Variants in VPS13B observed in about 807,000 individuals in gnomAD.
The protein encoded by VPS13B is vacuolar protein sorting 13 homolog B, also known as intermembrane lipid transfer protein VPS13B.
VPS13B carries 285 observed loss-of-function variants against 426.4 expected under a neutral mutation model. That is an observed-to-expected ratio of 0.67 (90% CI 0.61 to 0.74). The LOEUF (loss-of-function observed/expected upper bound fraction) is 0.74. Among genes scored for constraint, VPS13B ranks in the 30% least tolerant of loss-of-function variants. The probability of loss-of-function intolerance (pLI) is 0.00; values close to 1 mark genes in which losing one functional copy is unlikely to be tolerated. For missense variants in VPS13B, 4,537 were observed against 4,782.6 expected (o/e 0.95, Z 1.51); for synonymous variants, 1,676 against 1,676.4 (o/e 1.00, Z 0.01).
chr8:99,539,175 A>C (rs556798461), intron 30 of VPS13B, among the ~76,000 whole-genome samples: 1 of 152,326 alleles, frequency 6.6e-6, no homozygotes, highest in South Asian at 2.1e-4. Flanking sequence ...TGTGAAGAAA[A>C]TTTTAAAAAT....
chr8:99,208,363 TTTTC>T (rs1196576516), intron 17 of VPS13B, among the ~76,000 whole-genome samples: 4 of 152,194 alleles, frequency 2.6e-5, no homozygotes, highest in African/African-American at 4.8e-5. Flanking sequence ...TTAAGACTTC[TTTTC>T]TTTCTTTTTA....
At chr8:99,489,286 G>A (rs1329724306) in intron 25 of VPS13B, among the ~76,000 whole-genome samples, 2 of 151,622 alleles carry the variant, frequency 1.3e-5, no homozygotes, top group African/African-American at 4.8e-5. Context: ...GGTTACTGTA[G>A]CCTTGTAGTA....
In VPS13B at chr8:99,314,741, A is replaced by G. The variant is rs933009296; in HGVS notation, c.2824+39487A>G. Among the ~76,000 whole-genome samples, 3 of 152,298 alleles carry G rather than the reference A, an allele frequency of 2.0e-5. No individual in the cohort carries two copies. In the East Asian group the frequency reaches 5.8e-4, roughly 29 times the overall value. On this transcript the variant is annotated intron_variant, in intron 19 of 61. Transcript: ENST00000357162. ...ACTGGGATTATGAGCGAGAACCACT[A>G]CAGCCAGCTTATCTCCCATTTTAGA...
At chr8:99,777,614 T>G (rs1314276448) in intron 41 of VPS13B, among the ~76,000 whole-genome samples, 2 of 152,194 alleles carry the variant, frequency 1.3e-5, no homozygotes, top group African/African-American at 4.8e-5. Context: ...TCTGTTCTTG[T>G]TCAGTATCCT....
intron 17 of VPS13B, among the ~76,000 whole-genome samples, chr8:99,269,030 C>T (rs911857124): frequency 4.6e-5 from 7 of 152,202 alleles, no homozygotes; most frequent in African/African-American, 1.7e-4. Flanking sequence ...CTCCTGCCAC[C>T]TTGTGAAGAA....
intron 21 of VPS13B, among the ~76,000 whole-genome samples, chr8:99,412,373 T>C (rs187501246): frequency 6.6e-6 from 1 of 152,326 alleles, no homozygotes; most frequent in Admixed American, 6.5e-5. Context: ...TCTCTGTTTG[T>C]CTGTTATTGG....
At chr8:99,331,213 G>A (rs557752730) in intron 19 of VPS13B, among the ~76,000 whole-genome samples, 1 of 151,840 alleles carries the variant, frequency 6.6e-6, no homozygotes, top group Admixed American at 6.6e-5. Context: ...TACTTGTTGT[G>A]GTTGTTTTTA....
chr8:99,560,539 A>T (rs1015233704), intron 31 of VPS13B, among the ~76,000 whole-genome samples: 19 of 152,176 alleles, frequency 1.2e-4, no homozygotes, highest in Non-Finnish European at 2.6e-4. Context: ...CCGTATATAA[A>T]ATGTATTATT....
chr8:99,421,801 C>G (rs1816390973), intron 21 of VPS13B, among the ~76,000 whole-genome samples: 1 of 152,064 alleles, frequency 6.6e-6, no homozygotes, highest in Non-Finnish European at 1.5e-5. Context: ...TCTCAGCCTC[C>G]CGAGCAACTG....
chr8:99,050,618 T>C (rs981727109), intron 3 of VPS13B, among the ~76,000 whole-genome samples: 3 of 152,326 alleles, frequency 2.0e-5, no homozygotes, highest in South Asian at 2.1e-4. Context: ...CACTGACTTC[T>C]ACAGTGGTTG....
rs752638292 is a variant in VPS13B, at chr8:99,575,795, A to G, written c.5076+11A>G. 1.2e-6 allele frequency: 2 copies of G among 1,612,280 alleles called. No individual in the cohort carries two copies. The highest frequency in any genetic ancestry group is 4.5e-5 in the East Asian group (2 of 44,808). On this transcript the variant is annotated intron_variant, in intron 32 of 61. Coordinates refer to ENST00000357162, the MANE Select transcript of VPS13B (RefSeq NM_152564.5). The stretch of plus-strand genomic sequence containing the variant: ...AATTTGCATACTGAGGTTAGAACAT[A>G]ATTTTGATTTTATTTTAGTCTAAAT...
intron 21 of VPS13B, among the ~76,000 whole-genome samples, chr8:99,412,784 G>T (rs542135853): frequency 1.3e-5 from 2 of 152,214 alleles, no homozygotes; most frequent in South Asian, 2.1e-4. Context: ...GCATGAAGGG[G>T]TGTTGAATTT....
chr8:99,861,799 C>A lies in VPS13B; in HGVS notation c.11068C>A (p.Leu3690Ile), dbSNP rs766103783. ...SKGTLTSITNLATSLARNMDR... is the reference protein window; with the variant it reads ...SKGTLTSITNIATSLARNMDR... ...AGGTACCCTCACATCCATCACCAACCTCGCCACAAGCCTGGCCCGGAACAT... is the reference window on the plus strand; with the variant it reads ...AGGTACCCTCACATCCATCACCAACATCGCCACAAGCCTGGCCCGGAACAT... The change falls in exon 58 of 62, where the codon CTC becomes ATC. Residue 3690 changes from leucine to isoleucine, a missense_variant. This residue lies in a region of VPS13B where 4,311 missense variants were observed against 4,474.3 expected (regional missense o/e 0.96). Coordinates refer to ENST00000357162, the MANE Select transcript of VPS13B (RefSeq NM_152564.5). The A allele has an allele frequency of 1.3e-6, 2 of 1,597,278 alleles. No individual in the cohort carries two copies. The highest frequency in any genetic ancestry group is 2.3e-5 in the South Asian group (2 of 87,894).
At chr8:99,584,155 AAAGATATT>A (rs1292832742) in intron 33 of VPS13B, among the ~76,000 whole-genome samples, 1 of 152,168 alleles carries the variant, frequency 6.6e-6, no homozygotes, top group Non-Finnish European at 1.5e-5. Flanking sequence ...TAGGCCTGGA[AAAGATATT>A]AAGTATTTTA....
chr8:99,813,213 T>C (rs1200454827), intron 44 of VPS13B, among the ~76,000 whole-genome samples: 1 of 152,190 alleles, frequency 6.6e-6, no homozygotes, highest in Non-Finnish European at 1.5e-5. Flanking sequence ...CTTTTAAGAA[T>C]TTTCTTTTAT....
chr8:99,400,731 C>T (rs748180849), intron 21 of VPS13B, among the ~76,000 whole-genome samples: 18 of 152,122 alleles, frequency 1.2e-4, no homozygotes, highest in East Asian at 1.2e-3. Context: ...GAGTGCAGTG[C>T]GCAATCTCAG....
Position 99,140,769 on chromosome 8 carries a change from C to A in VPS13B, c.1652-2205C>A, listed in dbSNP as rs929857472. Among the ~76,000 whole-genome samples, 8 of 151,354 alleles carry A rather than the reference C, an allele frequency of 5.3e-5. No homozygotes were observed. In the East Asian group the frequency reaches 1.4e-3, roughly 26 times the overall value. ...ACAACTGAAACTCTGGAAAAATTAA[C>A]ATCTTTTGCCCAGGAGCTTCTTACA... is the stretch of plus-strand genomic sequence containing the variant. On this transcript the variant is annotated intron_variant, in intron 12 of 61. Transcript: ENST00000357162.
At chr8:99,096,773 AT>A (rs1039641310) in intron 4 of VPS13B, among the ~76,000 whole-genome samples, 3 of 143,192 alleles carry the variant, frequency 2.1e-5, no homozygotes, top group African/African-American at 7.8e-5. Context: ...AAAAAAAAAA[AT>A]TGATCATTGT....
intron 17 of VPS13B, among the ~76,000 whole-genome samples, chr8:99,242,289 A>G (rs1324127382): frequency 6.6e-6 from 1 of 152,148 alleles, no homozygotes; most frequent in Non-Finnish European, 1.5e-5. Context: ...AGGCCCATAT[A>G]TAATTGGTTT....
Sources: allele counts gnomAD v4.1 joint callset (sites outside exome capture counted in the v4.1 genomes callset), GRCh38; gene constraint gnomAD v4.1.1; regional missense constraint gnomAD v4.1.1; transcripts MANE v1.5; gene names NCBI Gene and HGNC (gene_info 2026-07-23, HGNC 2026-07-21).